The following SPG11 variants were observed in gnomAD, a reference collection of about 807,000 sequenced individuals.
SPG11 encodes SPG11 vesicle trafficking associated, spatacsin.
In SPG11, 222 loss-of-function variants were observed where a neutral mutation model predicts 274.0. That is an observed-to-expected ratio of 0.81 (90% CI 0.73 to 0.91). SPG11 has a LOEUF of 0.91. SPG11 is among the 40% of genes least tolerant of loss of function. The probability of loss-of-function intolerance (pLI) is 0.00; values close to 1 mark genes in which losing one functional copy is unlikely to be tolerated. For missense variants in SPG11, 3,114 were observed against 2,872.7 expected (o/e 1.08, Z -1.92); for synonymous variants, 1,144 against 1,039.7 (o/e 1.10, Z -1.93).
chr15:44,660,155 T>G (rs989111548), intron 2 of SPG11, among the ~76,000 whole-genome samples: 1 of 152,214 alleles, frequency 6.6e-6, no homozygotes, highest in African/African-American at 2.4e-5. Flanking sequence ...TTAGCTTATA[T>G]TCAAAGTATT....
chr15:44,612,152 A>G (rs1164871673), intron 17 of SPG11, among the ~76,000 whole-genome samples: 1 of 152,160 alleles, frequency 6.6e-6, no homozygotes, highest in Non-Finnish European at 1.5e-5. Context: ...ATTCTGTTAT[A>G]ATATTACACA....
intron 30 of SPG11, among the ~76,000 whole-genome samples, chr15:44,583,501 A>AT: frequency 6.6e-6 from 1 of 152,190 alleles, no homozygotes. Context: ...ACAAAAAGCC[A>AT]TATTTCTATA....
At chr15:44,573,277 G>C (rs2082462238) in intron 32 of SPG11, 1 of 597,858 alleles carries the variant, frequency 1.7e-6, no homozygotes, top group Non-Finnish European at 3.0e-6. Context: ...GAGCCACCGC[G>C]CCCGGCCAGG....
intron 7 of SPG11, among the ~76,000 whole-genome samples, chr15:44,636,942 A>AAAAAAAAAAAAAAAAC (rs1392605127): frequency 1.7e-5 from 2 of 115,290 alleles, no homozygotes; most frequent in African/African-American, 6.9e-5. Context: ...AAAAAAAAAA[A>AAAAAAAAAAAAAAAAC]AAAAAAAAAA....
intron 21 of SPG11, 188 bp downstream of exon 21, chr15:44,600,274 AATTAT>A (rs1241406516): frequency 2.1e-5 from 12 of 576,414 alleles, no homozygotes; most frequent in Admixed American, 5.9e-5. Flanking sequence ...TTAGAATACA[AATTAT>A]ATTTTATTTT....
intron 7 of SPG11, among the ~76,000 whole-genome samples, chr15:44,637,636 C>T (rs2084317327): frequency 6.6e-6 from 1 of 152,122 alleles, no homozygotes; most frequent in African/African-American, 2.4e-5. Flanking sequence ...AATTTTCAAG[C>T]ACATGGAACT....
chr15:44,589,626 T>C (rs926591427), intron 27 of SPG11, among the ~76,000 whole-genome samples: 1 of 152,152 alleles, frequency 6.6e-6, no homozygotes, highest in African/African-American at 2.4e-5. Flanking sequence ...GCTTTGCACA[T>C]TGTCTCTTTG....
chr15:44,601,346 C>T (rs1325041309), intron 20 of SPG11, among the ~76,000 whole-genome samples: 3 of 151,836 alleles, frequency 2.0e-5, no homozygotes, highest in East Asian at 1.9e-4. Flanking sequence ...CTGCAATCTC[C>T]ACTTCCTGGG....
intron 7 of SPG11, 140 bp downstream of exon 7, chr15:44,648,726 C>A (rs1387383363): frequency 2.1e-6 from 2 of 968,346 alleles, no homozygotes; most frequent in African/African-American, 1.6e-5. Flanking sequence ...AATGAAACAG[C>A]CAGAACTGTT....
At chr15:44,645,348 G>A (rs143571353) in intron 7 of SPG11, among the ~76,000 whole-genome samples, 2 of 152,146 alleles carry the variant, frequency 1.3e-5, no homozygotes, top group Non-Finnish European at 2.9e-5. Context: ...CCACAAAGTT[G>A]ACAAAAACAA....
At chr15:44,614,874 G>A (rs976567762) in intron 16 of SPG11, among the ~76,000 whole-genome samples, 3 of 152,116 alleles carry the variant, frequency 2.0e-5, no homozygotes, top group Admixed American at 6.6e-5. Context: ...ATGATTCTGC[G>A]GGTTAATCTT....
intron 3 of SPG11, among the ~76,000 whole-genome samples, chr15:44,657,972 A>G (rs1401343872): frequency 6.6e-6 from 1 of 152,232 alleles, no homozygotes; most frequent in African/African-American, 2.4e-5. Context: ...GGTTGCAGTG[A>G]GCCGAGATCA....
At chr15:44,576,499 A>C (rs1403345921) in intron 30 of SPG11, among the ~76,000 whole-genome samples, 1 of 151,108 alleles carries the variant, frequency 6.6e-6, no homozygotes. Context: ...CTACAAAAAA[A>C]TTAGCTGGAC....
intron 34 of SPG11, 103 bp from the exon 35 acceptor site, chr15:44,569,608 G>GAGGAGA (rs2082376520): frequency 2.4e-6 from 2 of 838,738 alleles, no homozygotes; most frequent in East Asian, 5.3e-5. Flanking sequence ...CAAGCTCCAG[G>GAGGAGA]AGGAGAAGGG....
At chr15:44,594,417 C>T (rs2082980809) in intron 26 of SPG11, among the ~76,000 whole-genome samples, 1 of 151,644 alleles carries the variant, frequency 6.6e-6, no homozygotes, top group African/African-American at 2.4e-5. Context: ...CAGAGCGAGA[C>T]TCTGTCTCAA....
intron 29 of SPG11, among the ~76,000 whole-genome samples, chr15:44,585,350 G>A (rs940446602): frequency 6.7e-6 from 1 of 150,352 alleles, no homozygotes. Flanking sequence ...AGCACTTTGG[G>A]AGGCAGAGGC....
Position 44,598,760 on chromosome 15 carries a change from C to T in SPG11, c.3763G>A (p.Val1255Ile), listed in dbSNP as rs1567151328. Reference protein sequence around the residue: ...FHIPSIGAACVCFLELLGLDS... With the variant: ...FHIPSIGAACICFLELLGLDS... ...AGGCCAAGCAATTCTAAGAAACAAA[C>T]ACATGCAGCTCCTATTGAAGGTATG... Residue 1255 changes from valine to isoleucine, a missense_variant, in exon 22 of 40, where the codon GTT becomes ATT. By Grantham distance (29) the Val-to-Ile change is conservative (BLOSUM62 3). Coordinates refer to ENST00000261866, the MANE Select transcript of SPG11 (RefSeq NM_025137.4). The T allele has an allele frequency of 6.2e-7, 1 of 1,614,210 alleles. No homozygotes were observed. The highest frequency in any genetic ancestry group is 2.2e-5 in the East Asian group (1 of 44,888).
chr15:44,647,785 A>G (rs2084649044), intron 7 of SPG11, among the ~76,000 whole-genome samples: 1 of 152,318 alleles, frequency 6.6e-6, no homozygotes, highest in Non-Finnish European at 1.5e-5. Context: ...ACTAATGGTT[A>G]TGGACTTTCT....
rs1039496175 is a variant in SPG11 at position 44,584,392 on chromosome 15, G to C, written c.5288C>G (p.Pro1763Arg). 4 of 1,613,826 alleles carry C rather than the reference G, an allele frequency of 2.5e-6. No individual in the cohort carries two copies. The highest frequency in any genetic ancestry group is 3.3e-5 in the Admixed American group (2 of 59,968). The change falls in exon 30 of 40, where the codon CCA (proline) becomes CGA (arginine). Residue 1763 changes from proline (P) to arginine (R), a missense_variant. Pro to Arg is a moderately radical substitution (Grantham distance 103, BLOSUM62 -2). Transcript: ENST00000261866. ...STQAHVACEH[P>R]TGWSSMEERH... Reference sequence around the variant, plus strand: ...CTCCTCCATGCTGCTCCATCCAGTTGGGTGCTCACATGCCACATGGGCCTG... The same window carrying C: ...CTCCTCCATGCTGCTCCATCCAGTTCGGTGCTCACATGCCACATGGGCCTG...
Sources: gnomAD v4.1 joint callset for allele counts (sites outside exome capture counted in the v4.1 genomes callset) on GRCh38, gnomAD v4.1.1 for gene constraint, MANE v1.5 for transcripts, NCBI Gene and HGNC (gene_info 2026-07-23, HGNC 2026-07-21) for gene names.